PITPNC1: variants seen among roughly 807,000 people sequenced by gnomAD.
PITPNC1 encodes the protein phosphatidylinositol transfer protein cytoplasmic 1.
PITPNC1 carries 18 observed loss-of-function variants against 44.7 expected under a neutral mutation model. The observed-to-expected ratio is 0.40, with a 90% CI of 0.28 to 0.60. The LOEUF (loss-of-function observed/expected upper bound fraction) is 0.60. Among genes scored for constraint, PITPNC1 ranks in the 20% least tolerant of loss-of-function variants. PITPNC1 has a pLI of 0.39. For synonymous variants in PITPNC1, 141 were observed against 149.6 expected, an observed-to-expected ratio of 0.94 and a Z score of 0.42; for missense variants, 290 against 418.4, an observed-to-expected ratio of 0.69 and a Z score of 2.68.
At chr17:67,498,903 G>A (rs1417453500) in intron 1 of PITPNC1, among the ~76,000 whole-genome samples, 1 of 135,052 alleles carries the variant, frequency 7.4e-6, no homozygotes, top group Non-Finnish European at 1.5e-5. Flanking sequence ...ATGGAGTCTT[G>A]CTCTGCTGCC....
chr17:67,596,986 T>A (rs2041468717), intron 5 of PITPNC1, among the ~76,000 whole-genome samples: 1 of 152,048 alleles, frequency 6.6e-6, no homozygotes, highest in Non-Finnish European at 1.5e-5. Context: ...CTCCACCTCC[T>A]GGGCTCAAGT....
At chr17:67,434,265 C>A (rs1567988133) in intron 1 of PITPNC1, among the ~76,000 whole-genome samples, 1 of 152,182 alleles carries the variant, frequency 6.6e-6, no homozygotes, top group Non-Finnish European at 1.5e-5. Flanking sequence ...TGTGCCCACA[C>A]AAGATTACCA....
chr17:67,445,665 T>C (rs759665958), intron 1 of PITPNC1, among the ~76,000 whole-genome samples: 3 of 152,086 alleles, frequency 2.0e-5, no homozygotes, highest in African/African-American at 4.8e-5. Context: ...ATGTTTTCCA[T>C]ACTCAGCCCT....
rs1276697983 is a variant in PITPNC1, at chr17:67,597,560, CA to C, written c.366+19310del. Among the ~76,000 whole-genome samples the C allele has an allele frequency of 6.6e-6, 1 of 151,524 alleles. No individual in the cohort carries two copies. The highest frequency in any genetic ancestry group is 1.9e-4 in the East Asian group (1 of 5,150). On this transcript the variant is annotated intron_variant, in intron 5 of 8. Coordinates refer to ENST00000581322, the MANE Select transcript of PITPNC1 (RefSeq NM_012417.4). The surrounding 1 kb of genome is among the most constrained non-coding windows in gnomAD (Gnocchi z 4.0). ...CAGAGTGATTGAGACTCCATCTCAA[CA>C]AAAAAAGGAAAGAAAAAAACAGTTA...
At chr17:67,647,478 T>TTTTTTTTG (rs1567757601) in intron 6 of PITPNC1, among the ~76,000 whole-genome samples, 12 of 128,388 alleles carry the variant, frequency 9.3e-5, no homozygotes, top group African/African-American at 2.0e-4. Flanking sequence ...TTTTTTTTTT[T>TTTTTTTTG]TTTTTTTTTT....
At chr17:67,512,381 A>G (rs376865077) in intron 1 of PITPNC1, among the ~76,000 whole-genome samples, 1 of 151,980 alleles carries the variant, frequency 6.6e-6, no homozygotes, top group Non-Finnish European at 1.5e-5. Context: ...GGTGCCTGTA[A>G]TCCCAGCTAC....
At chr17:67,381,503 G>C (rs1180616810) in intron 1 of PITPNC1, among the ~76,000 whole-genome samples, 1 of 133,312 alleles carries the variant, frequency 7.5e-6, no homozygotes, top group African/African-American at 2.8e-5. Context: ...ATCTCCCTCT[G>C]TCTCCCAGGC....
At chr17:67,561,277 G>A (rs1275339452) in intron 4 of PITPNC1, among the ~76,000 whole-genome samples, 1 of 152,104 alleles carries the variant, frequency 6.6e-6, no homozygotes, top group Non-Finnish European at 1.5e-5. Flanking sequence ...CCAACATGGC[G>A]AAACCCCACC....
chr17:67,393,284 G>A (rs968588196), intron 1 of PITPNC1, among the ~76,000 whole-genome samples: 5 of 152,032 alleles, frequency 3.3e-5, no homozygotes. Context: ...TTTTCATCTT[G>A]CAGAATTGAA....
chr17:67,604,690 C>G (rs1224331670), intron 5 of PITPNC1, among the ~76,000 whole-genome samples: 1 of 152,014 alleles, frequency 6.6e-6, no homozygotes, highest in African/African-American at 2.4e-5. Flanking sequence ...AGCTGAGGCA[C>G]AAGAATCACT....
At chr17:67,561,477 A>G (rs911994717) in intron 4 of PITPNC1, among the ~76,000 whole-genome samples, 3 of 151,974 alleles carry the variant, frequency 2.0e-5, no homozygotes, top group African/African-American at 7.2e-5. Flanking sequence ...AAGGGAATGC[A>G]GAATTGCCCT....
At position 67,393,297 on chromosome 17, in the gene PITPNC1, T is replaced by C. The variant is rs76348668; in HGVS notation, c.48+15095T>C. Among the ~76,000 whole-genome samples, 1,265 of 152,210 alleles carry C rather than the reference T, an allele frequency of 8.3e-3. 23 individuals are homozygous for C. Among genetic ancestry groups the C allele is most frequent in the African/African-American group, 0.029 (1,210 of 41,512 alleles). ...AGTTTTCATCTTGCAGAATTGAAAC[T>C]CTGTATCCATTTAACCCTAAATCCC... On this transcript the variant is annotated intron_variant, in intron 1 of 8. Coordinates refer to ENST00000581322, the MANE Select transcript of PITPNC1 (RefSeq NM_012417.4).
At chr17:67,587,115 G>C (rs957637792) in intron 5 of PITPNC1, among the ~76,000 whole-genome samples, 2 of 152,168 alleles carry the variant, frequency 1.3e-5, no homozygotes, top group African/African-American at 4.8e-5. Flanking sequence ...CAGGTTCTGA[G>C]AAGAAAAGCA....
intron 6 of PITPNC1, among the ~76,000 whole-genome samples, chr17:67,636,537 G>A (rs1419633322): frequency 6.6e-6 from 1 of 152,178 alleles, no homozygotes; most frequent in Non-Finnish European, 1.5e-5. Flanking sequence ...GCTGGCATCT[G>A]GAACAGGTGG....
At chr17:67,435,707 G>C (rs2364982) in intron 1 of PITPNC1, among the ~76,000 whole-genome samples, 105,433 of 151,952 alleles carry the variant, frequency 0.69, 37,010 homozygotes, top group Middle Eastern at 0.78. Flanking sequence ...CCAAAATTAG[G>C]CAGGTGTGGT....
chr17:67,573,670 C>T (rs1287633944), intron 4 of PITPNC1, among the ~76,000 whole-genome samples: 1 of 146,548 alleles, frequency 6.8e-6, no homozygotes, highest in Non-Finnish European at 1.5e-5. Context: ...TCAAGCGATT[C>T]TTCCCGCTCA....
chr17:67,377,556 G>T lies in PITPNC1; in HGVS notation c.-599G>T. The T allele has an allele frequency of 1.3e-5, 2 of 153,702 alleles. No individual in the cohort carries two copies. The highest frequency in any genetic ancestry group is 3.6e-4 in the South Asian group (2 of 5,626). The allele number at this position is 153,702 out of a possible 1,614,324, so 9.5% of individuals were successfully genotyped here. ...GAGCCGAGCCCCGGAGCGGCGCGGG[G>T]ACCGGCCCTAAAAAGAGCAGGAAAT... On this transcript the variant is annotated 5_prime_UTR_variant, in exon 1 of 9. Coordinates refer to ENST00000581322, the MANE Select transcript of PITPNC1 (RefSeq NM_012417.4).
intron 1 of PITPNC1, among the ~76,000 whole-genome samples, chr17:67,383,718 C>T (rs1038332813): frequency 1.3e-5 from 2 of 152,172 alleles, no homozygotes; most frequent in Non-Finnish European, 2.9e-5. Context: ...GGCAGGAATC[C>T]TTTTGTTTTC....
At chr17:67,393,452 C>T (rs1351568282) in intron 1 of PITPNC1, among the ~76,000 whole-genome samples, 3 of 151,706 alleles carry the variant, frequency 2.0e-5, no homozygotes, top group South Asian at 2.1e-4. Flanking sequence ...ACTCATTCAT[C>T]GTTTCTTGAA....
Sources: allele counts gnomAD v4.1 joint callset (sites outside exome capture counted in the v4.1 genomes callset), GRCh38; gene constraint gnomAD v4.1.1; non-coding constraint Gnocchi (gnomAD v3.1); transcripts MANE v1.5; gene names NCBI Gene and HGNC (gene_info 2026-07-23, HGNC 2026-07-21).